The following ARHGAP18 variants were observed in gnomAD, a reference collection of about 807,000 sequenced individuals.
ARHGAP18 encodes rho GTPase-activating protein 18.
ARHGAP18 carries 67 observed loss-of-function variants against 86.2 expected under a neutral mutation model. That is an observed-to-expected ratio of 0.78 (90% CI 0.64 to 0.95). The LOEUF is 0.95. Ranked by LOEUF, ARHGAP18 falls within the 40% of genes least tolerant of loss-of-function variation. The pLI is 0.00. For synonymous variants in ARHGAP18, 283 were observed against 280.4 expected (o/e 1.01, Z -0.09); for missense variants, 691 against 780.4 (o/e 0.89, Z 1.37).
At chr6:129,672,641 T>C (rs1774160061) in intron 1 of ARHGAP18, among the ~76,000 whole-genome samples, 1 of 152,240 alleles carries the variant, frequency 6.6e-6, no homozygotes, top group Non-Finnish European at 1.5e-5. Context: ...CTGTCCCCAG[T>C]ATGCTGAGCT....
intron 10 of ARHGAP18, among the ~76,000 whole-genome samples, chr6:129,601,249 G>A (rs963585889): frequency 2.6e-5 from 4 of 152,196 alleles, no homozygotes; most frequent in African/African-American, 9.7e-5. Flanking sequence ...CCCTCAAAAA[G>A]GGTCATTCAA....
intron 1 of ARHGAP18, among the ~76,000 whole-genome samples, chr6:129,658,014 G>GA (rs1289153369): frequency 6.6e-6 from 1 of 152,096 alleles, no homozygotes; most frequent in African/African-American, 2.4e-5. Context: ...AATGTTTCCA[G>GA]AAAAAGTGTT....
In ARHGAP18 at chr6:129,607,987, C is replaced by T. The variant is rs778860347; in HGVS notation, c.1188G>A (p.Gln396=). ...GCTTCAGCAGGCTGGCGGCATCATG[C>T]TGTTTGACACTTTCCCAATTAAAAG... ...EGTFNWESVK[Q]HDAASLLKLF... is the part of the protein sequence containing the mutation. Residue 396 remains glutamine (Q), a synonymous_variant, in exon 9 of 15, where the codon CAG becomes CAA. Transcript: ENST00000368149. 1.3e-6 allele frequency: 2 copies of T among 1,591,832 alleles called. No homozygotes were observed. Among genetic ancestry groups the T allele is most frequent in the South Asian group, 2.2e-5 (2 of 90,736 alleles).
intron 8 of ARHGAP18, among the ~76,000 whole-genome samples, chr6:129,609,569 T>C (rs1216045063): frequency 6.6e-6 from 1 of 152,192 alleles, no homozygotes; most frequent in Non-Finnish European, 1.5e-5. Flanking sequence ...TATGAAGTTA[T>C]GTTTGTTACC....
At chr6:129,667,407 A>G (rs1774060256) in intron 1 of ARHGAP18, among the ~76,000 whole-genome samples, 1 of 151,746 alleles carries the variant, frequency 6.6e-6, no homozygotes, top group South Asian at 2.1e-4. Flanking sequence ...CAAAAATTTA[A>G]TATAATCAAA....
chr6:129,596,368 C>T (rs1334607425), intron 12 of ARHGAP18, among the ~76,000 whole-genome samples: 4 of 152,132 alleles, frequency 2.6e-5, no homozygotes, highest in Non-Finnish European at 5.9e-5. Context: ...ATACACACAA[C>T]TCAACTCCCT....
chr6:129,620,181 CA>C (rs1789198343), intron 5 of ARHGAP18, among the ~76,000 whole-genome samples: 1 of 152,118 alleles, frequency 6.6e-6, no homozygotes, highest in African/African-American at 2.4e-5. Context: ...AGTCTAAACA[CA>C]AAATTCATTT....
intron 6 of ARHGAP18, among the ~76,000 whole-genome samples, chr6:129,617,950 G>A (rs1297139029): frequency 6.6e-6 from 1 of 152,124 alleles, no homozygotes; most frequent in African/African-American, 2.4e-5. Context: ...TAAACAAGAG[G>A]ACAAAGATTC....
At chr6:129,704,441 T>A (rs1038973812) in intron 1 of ARHGAP18, among the ~76,000 whole-genome samples, 6 of 152,022 alleles carry the variant, frequency 3.9e-5, no homozygotes, top group Non-Finnish European at 8.8e-5. Flanking sequence ...CGAGACTCAG[T>A]ATCTGAAAAC....
intron 11 of ARHGAP18, among the ~76,000 whole-genome samples, chr6:129,599,765 CGCT>C (rs1491004296): frequency 3.8e-4 from 58 of 152,168 alleles, no homozygotes; most frequent in African/African-American, 1.4e-3. Context: ...ACCAGCTAGC[CGCT>C]GCTGTCATGA....
At chr6:129,652,961 T>C (rs1263234043) in intron 1 of ARHGAP18, among the ~76,000 whole-genome samples, 1 of 152,226 alleles carries the variant, frequency 6.6e-6, no homozygotes, top group Non-Finnish European at 1.5e-5. Context: ...GACTTTCATA[T>C]AACTTTCTAT....
chr6:129,679,551 G>C (rs538673551), intron 1 of ARHGAP18, among the ~76,000 whole-genome samples: 1 of 152,286 alleles, frequency 6.6e-6, no homozygotes, highest in East Asian at 1.9e-4. Context: ...TGGGAATACA[G>C]ACAAACACAC....
At chr6:129,639,748 AAAGT>A (rs1192414117) in intron 2 of ARHGAP18, among the ~76,000 whole-genome samples, 3 of 152,178 alleles carry the variant, frequency 2.0e-5, no homozygotes, top group African/African-American at 4.8e-5. Context: ...ACTAGCATAA[AAAGT>A]AAGTCAGCAA....
intron 1 of ARHGAP18, among the ~76,000 whole-genome samples, chr6:129,699,746 C>A (rs1477423676): frequency 6.6e-6 from 1 of 152,108 alleles, no homozygotes; most frequent in South Asian, 2.1e-4. Flanking sequence ...TCGCTAGTTA[C>A]GTCCACACCC....
At chr6:129,709,294 A>G (rs1195000231) in intron 1 of ARHGAP18, among the ~76,000 whole-genome samples, 2 of 152,220 alleles carry the variant, frequency 1.3e-5, no homozygotes, top group African/African-American at 4.8e-5. Flanking sequence ...AAAGAAAAAA[A>G]AAAGCCCTTG....
intron 5 of ARHGAP18, among the ~76,000 whole-genome samples, chr6:129,623,006 CA>C (rs57274879): frequency 0.13 from 5,203 of 39,702 alleles, 119 homozygotes; most frequent in African/African-American, 0.27. Flanking sequence ...CATCTCAAAA[CA>C]AAAAAAAAAA....
chr6:129,580,040 T>A (rs1584016631), intron 14 of ARHGAP18, 30 bp downstream of exon 14: 1 of 1,563,008 alleles, frequency 6.4e-7, no homozygotes, highest in East Asian at 2.2e-5. Flanking sequence ...AAACAGCATA[T>A]AAAATGTAAA....
Position 129,580,131 on chromosome 6 carries a change from A to G in ARHGAP18, c.1839T>C (p.Ser613=). 6.2e-7 allele frequency: 1 copy of G among 1,613,320 alleles called. No individual in the cohort carries two copies. The highest frequency in any genetic ancestry group is 1.1e-5 in the South Asian group (1 of 91,042). Residue 613 remains serine (S), a splice_region_variant and synonymous_variant, in exon 14 of 15, where the codon AGT becomes AGC. Coordinates refer to ENST00000368149, the MANE Select transcript of ARHGAP18 (RefSeq NM_033515.3). The part of the protein sequence containing the change: ...DVLARFLSQE[S]GVAQTLKKGE... ...CTTTCTTGAGAGTCTGGGCAACCCC[A>G]CTATGAGGGACAAAACAAACCGATT...
chr6:129,691,170 G>T (rs749803971), intron 1 of ARHGAP18, among the ~76,000 whole-genome samples: 3 of 152,136 alleles, frequency 2.0e-5, no homozygotes, highest in Non-Finnish European at 1.5e-5. Context: ...ATGGGGGAAG[G>T]AAGGAAGTGA....
Sources: allele counts gnomAD v4.1 joint callset (sites outside exome capture counted in the v4.1 genomes callset), GRCh38; gene constraint gnomAD v4.1.1; transcripts MANE v1.5; gene names NCBI Gene and HGNC (gene_info 2026-07-23, HGNC 2026-07-21).